NCKAP5: variants seen among roughly 807,000 people sequenced by gnomAD.
NCKAP5 encodes the protein nck-associated protein 5.
Under a neutral mutation model 167.0 loss-of-function variants are expected in NCKAP5, and 92 were observed. That is an observed-to-expected ratio of 0.55 (90% CI 0.47 to 0.66). NCKAP5 has a LOEUF of 0.66. NCKAP5 is among the 30% of genes least tolerant of loss of function. The pLI is 0.00. For synonymous variants in NCKAP5, 891 were observed against 877.4 expected, an observed-to-expected ratio of 1.02 and a Z score of -0.27; for missense variants, 2,378 against 2,315.0, an observed-to-expected ratio of 1.03 and a Z score of -0.56.
At chr2:133,640,289 T>G in the NCKAP5 span, among the ~76,000 whole-genome samples, 1 of 152,208 alleles carries the variant, frequency 6.6e-6, no homozygotes, top group Non-Finnish European at 1.5e-5. Flanking sequence ...TGAATGGATA[T>G]GAAAAAGCAG....
At chr2:132,925,423 A>G (rs1412833412) in intron 8 of NCKAP5, among the ~76,000 whole-genome samples, 5 of 151,910 alleles carry the variant, frequency 3.3e-5, no homozygotes, top group East Asian at 3.9e-4. Context: ...TTAGCCGGGC[A>G]TGGTGGCAGG....
chr2:133,313,590 A>G (rs1318587209), intron 3 of NCKAP5, among the ~76,000 whole-genome samples: 1 of 151,944 alleles, frequency 6.6e-6, no homozygotes, highest in Non-Finnish European at 1.5e-5. Flanking sequence ...ATAAACATAT[A>G]TTGGTCAAAT....
intron 6 of NCKAP5, among the ~76,000 whole-genome samples, chr2:133,054,772 T>C (rs2079735599): frequency 6.6e-6 from 1 of 152,204 alleles, no homozygotes; most frequent in African/African-American, 2.4e-5. Flanking sequence ...AAATCCAGTT[T>C]GAAATTTTCT....
In NCKAP5 at chr2:133,441,094, T is replaced by TCA. The variant is rs56053040; in HGVS notation, c.69+76362_69+76363dup. Among the ~76,000 whole-genome samples the TCA allele has an allele frequency of 6.2e-3, 921 of 149,730 alleles. 4 individuals carry two copies. Among genetic ancestry groups the TCA allele is most frequent in the Non-Finnish European group, 8.8e-3 (590 of 67,224 alleles). ...TCTCACACCCTACAGACACACACAC[T>TCA]CACACACACACACACACACACACAC... On this transcript the variant is annotated intron_variant, in intron 3 of 19. Coordinates refer to ENST00000409261, the MANE Select transcript of NCKAP5 (RefSeq NM_207363.3).
chr2:133,611,109 C>A, the NCKAP5 span, among the ~76,000 whole-genome samples: 2 of 116,660 alleles, frequency 1.7e-5, no homozygotes, highest in African/African-American at 5.9e-5. Flanking sequence ...AATGCTAGCC[C>A]CCCATGTTAA....
intron 5 of NCKAP5, among the ~76,000 whole-genome samples, chr2:133,167,214 A>C (rs1437906566): frequency 1.3e-5 from 2 of 152,240 alleles, no homozygotes; most frequent in Non-Finnish European, 1.5e-5. Flanking sequence ...TAGTGTCAGC[A>C]TGACAGGTTA....
intron 11 of NCKAP5, 146 bp downstream of exon 11, chr2:132,860,346 T>A: frequency 4.1e-6 from 4 of 982,342 alleles, no homozygotes; most frequent in Non-Finnish European, 5.8e-6. Flanking sequence ...CACCTTCAAA[T>A]TTAATGACAT....
intron 19 of NCKAP5, among the ~76,000 whole-genome samples, chr2:132,697,010 C>G (rs1687383414): frequency 6.8e-6 from 1 of 147,930 alleles, no homozygotes; most frequent in South Asian, 2.2e-4. Flanking sequence ...ACCTCAGCCT[C>G]CCAAATAGTT....
At chr2:133,037,104 G>A (rs2079063256) in intron 6 of NCKAP5, among the ~76,000 whole-genome samples, 1 of 151,918 alleles carries the variant, frequency 6.6e-6, no homozygotes, top group Non-Finnish European at 1.5e-5. Flanking sequence ...AGAAGTGCAA[G>A]AGCTCTATAA....
chr2:133,318,727 C>T (rs1301607384), intron 3 of NCKAP5, among the ~76,000 whole-genome samples: 1 of 152,192 alleles, frequency 6.6e-6, no homozygotes, highest in Non-Finnish European at 1.5e-5. Context: ...GCCCCTGTCT[C>T]TGTGCCAGTC....
intron 6 of NCKAP5, among the ~76,000 whole-genome samples, chr2:133,006,340 T>A (rs183336106): frequency 1.1e-4 from 16 of 152,258 alleles, no homozygotes; most frequent in Admixed American, 8.5e-4. Context: ...CTTTTAAAAG[T>A]TTGAATCTAA....
chr2:133,185,246 A>G lies in NCKAP5; in HGVS notation c.207+28470T>C, dbSNP rs147792928. 9.3e-3 allele frequency among the ~76,000 whole-genome samples: 1,416 copies of G among 151,966 alleles called. 11 individuals carry two copies. The highest frequency in any genetic ancestry group is 0.015 in the Non-Finnish European group (1,006 of 67,896). On this transcript the variant is annotated intron_variant, in intron 5 of 19. Coordinates refer to ENST00000409261, the MANE Select transcript of NCKAP5 (RefSeq NM_207363.3). ...TTTCCCTATTGCTTATTTTTTGTCA[A>G]CTTTGTCAAAGATCAGATGGTTATA...
At chr2:133,654,377 C>CAAATAAAT in the NCKAP5 span, among the ~76,000 whole-genome samples, 3,730 of 146,668 alleles carry the variant, frequency 0.025, 57 homozygotes, top group Middle Eastern at 0.052. Context: ...GACTCTATCT[C>CAAATAAAT]AAATAAATAA....
rs77373192 is a variant in NCKAP5 at position 132,781,973 on chromosome 2, G to A, written c.4838C>T (p.Thr1613Met). The change falls in exon 14 of 20, where the codon ACG (threonine) becomes ATG (methionine). Residue 1613 changes from threonine (T) to methionine (M), a missense_variant. Physicochemically the swap from Thr to Met is moderately conservative, Grantham distance 81. Around this residue, in one of 3 missense-constraint regions of NCKAP5, gnomAD observed 1,325 missense variants for 1,274.5 expected, o/e 1.04. Transcript: ENST00000409261. ...GAGTTCCGTCATGAAGGTGTCTTTC[G>A]TTGAACATGCAACAGGGCTGTGTCT... ...RNRHSPVACS[T>M]KDTFMTELLN... 8.2e-4 allele frequency: 1,322 copies of A among 1,613,362 alleles called. 3 individuals are homozygous for A. The African/African-American group carries it at 8.4e-3, about 10-fold the overall frequency.
chr2:132,883,205 T>TACACACACACACACACACACAC (rs3044408), intron 8 of NCKAP5, among the ~76,000 whole-genome samples: 18 of 139,754 alleles, frequency 1.3e-4, no homozygotes, highest in Admixed American at 2.1e-4. Context: ...CTGACTCAAA[T>TACACACACACACACACACACAC]ACACACACAC....
At chr2:133,011,022 T>A (rs1002710875) in intron 6 of NCKAP5, among the ~76,000 whole-genome samples, 1 of 152,162 alleles carries the variant, frequency 6.6e-6, no homozygotes, top group Admixed American at 6.5e-5. Flanking sequence ...TAAGGAAAAT[T>A]AAGCATTGAT....
At chr2:133,330,053 CTTTTT>C (rs1165568563) in intron 3 of NCKAP5, among the ~76,000 whole-genome samples, 1 of 85,704 alleles carries the variant, frequency 1.2e-5, no homozygotes, top group African/African-American at 4.7e-5. Context: ...AAAGCAAGAC[CTTTTT>C]TTTTTTTTTT....
chr2:133,430,814 G>A (rs1420237563), intron 3 of NCKAP5, among the ~76,000 whole-genome samples: 2 of 151,236 alleles, frequency 1.3e-5, no homozygotes, highest in African/African-American at 4.9e-5. Context: ...GGTATAATCT[G>A]AGAGTTATCA....
intron 13 of NCKAP5, among the ~76,000 whole-genome samples, chr2:132,788,332 T>C (rs1465729021): frequency 6.6e-6 from 1 of 152,012 alleles, no homozygotes; most frequent in East Asian, 1.9e-4. Context: ...GAATCTTATA[T>C]ATATATATTT....
Sources: allele counts gnomAD v4.1 joint callset (sites outside exome capture counted in the v4.1 genomes callset), GRCh38; gene constraint gnomAD v4.1.1; regional missense constraint gnomAD v4.1.1; transcripts MANE v1.5; gene names NCBI Gene and HGNC (gene_info 2026-07-23, HGNC 2026-07-21).